PCDHA10: variants seen among roughly 807,000 people sequenced by gnomAD.
PCDHA10 encodes the protein protocadherin alpha 10, also known as protocadherin alpha-10.
PCDHA10 carries 45 observed loss-of-function variants against 61.2 expected under a neutral mutation model. The observed-to-expected ratio is 0.74, with a 90% CI of 0.58 to 0.94. PCDHA10 has a LOEUF of 0.94. PCDHA10 is among the 40% of genes least tolerant of loss of function. PCDHA10 has a pLI of 0.00. For synonymous variants in PCDHA10, 602 were observed against 548.8 expected, an observed-to-expected ratio of 1.10 and a Z score of -1.35; for missense variants, 1,278 against 1,236.2, an observed-to-expected ratio of 1.03 and a Z score of -0.51.
chr5:140,979,870 A>G (rs376036380), intron 2 of PCDHA10, among the ~76,000 whole-genome samples: 2 of 152,388 alleles, frequency 1.3e-5, no homozygotes, highest in South Asian at 2.1e-4. Context: ...TATCTGGGCA[A>G]CTATCAAGTG....
chr5:140,862,432 C>T (rs746687465), intron 1 of PCDHA10: 1 of 355,106 alleles, frequency 2.8e-6, no homozygotes, highest in Non-Finnish European at 5.6e-6. Context: ...AGAAACTATT[C>T]GTTGGTACTC....
At chr5:140,873,801 C>G (rs2054500183) in intron 1 of PCDHA10, among the ~76,000 whole-genome samples, 1 of 152,180 alleles carries the variant, frequency 6.6e-6, no homozygotes, top group Non-Finnish European at 1.5e-5. Flanking sequence ...GCTGGGACTA[C>G]AGGCATGCAC....
At chr5:141,000,120 C>G (rs1554257146) in intron 3 of PCDHA10, among the ~76,000 whole-genome samples, 1 of 152,052 alleles carries the variant, frequency 6.6e-6, no homozygotes, top group African/African-American at 2.4e-5. Flanking sequence ...CCCTCATCCC[C>G]AAGGCTTCAC....
At chr5:140,875,247 A>T in intron 1 of PCDHA10, 1 of 962,254 alleles carries the variant, frequency 1.0e-6, no homozygotes, top group Non-Finnish European at 1.5e-6. Flanking sequence ...TTACATAATC[A>T]GTCACATGAT....
rs528840085 is a variant in PCDHA10 at position 140,876,225 on chromosome 5, GT to G, written c.2388+17790del. 8.8e-5 allele frequency: 142 copies of G among 1,613,982 alleles called. No homozygotes were observed. The African/African-American group carries it at 1.7e-3, about 20-fold the overall frequency. The stretch of plus-strand genomic sequence containing the variant: ...ATAAGCCCAGCTATAAAGTAGTGTT[GT>G]CTGAAAATGTCCAAAACGACACAAG... On this transcript the variant is annotated intron_variant, in intron 1 of 3. Coordinates refer to ENST00000307360, the MANE Select transcript of PCDHA10 (RefSeq NM_018901.4).
intron 1 of PCDHA10, among the ~76,000 whole-genome samples, chr5:140,975,393 C>G (rs2096665585): frequency 6.6e-6 from 1 of 152,256 alleles, no homozygotes. Flanking sequence ...TAAGATCCAT[C>G]ACAATCACAG....
At chr5:140,934,312 A>G (rs2089755727) in intron 1 of PCDHA10, among the ~76,000 whole-genome samples, 1 of 152,108 alleles carries the variant, frequency 6.6e-6, no homozygotes, top group South Asian at 2.1e-4. Context: ...CTTACTGCAA[A>G]TGTCCAATCA....
In PCDHA10 at chr5:140,919,389, T is replaced by C. The variant is rs1042186256; in HGVS notation, c.2389-59560T>C. 3.9e-5 allele frequency among the ~76,000 whole-genome samples: 6 copies of C among 152,360 alleles called. No homozygotes were observed. The East Asian group carries it at 1.2e-3, about 29-fold the overall frequency. ...CTGCAGACAACACATAGTTGGATGTTGTTTTCCTAAAAACTCTAGACTGAC... is the reference window on the plus strand; with the variant it reads ...CTGCAGACAACACATAGTTGGATGTCGTTTTCCTAAAAACTCTAGACTGAC... On this transcript the variant is annotated intron_variant, in intron 1 of 3. Coordinates refer to ENST00000307360, the MANE Select transcript of PCDHA10 (RefSeq NM_018901.4).
chr5:140,870,944 C>A (rs1554164906), intron 1 of PCDHA10: 1 of 1,613,540 alleles, frequency 6.2e-7, no homozygotes, highest in Admixed American at 1.7e-5. Context: ...CAGCCGGCGG[C>A]GGGCGGCTCG....
intron 1 of PCDHA10, among the ~76,000 whole-genome samples, chr5:140,954,400 A>G (rs1349668578): frequency 6.6e-6 from 1 of 152,214 alleles, no homozygotes; most frequent in East Asian, 1.9e-4. Context: ...CAACCCCACC[A>G]ACAGGGTAAA....
chr5:141,009,407 G>T (rs990895210), intron 3 of PCDHA10, among the ~76,000 whole-genome samples: 2 of 152,184 alleles, frequency 1.3e-5, no homozygotes, highest in Admixed American at 6.5e-5. Flanking sequence ...TGCAGTGACT[G>T]CATTTCAGCC....
chr5:140,973,582 T>C lies in PCDHA10; in HGVS notation c.2389-5367T>C, dbSNP rs76146918. Among the ~76,000 whole-genome samples the C allele has an allele frequency of 4.6e-3, 708 of 152,364 alleles. 4 individuals are homozygous for C. The highest frequency in any genetic ancestry group is 0.016 in the African/African-American group (685 of 41,596). On this transcript the variant is annotated intron_variant, in intron 1 of 3. Coordinates refer to ENST00000307360, the MANE Select transcript of PCDHA10 (RefSeq NM_018901.4). ...TTTCCTCAATTTTTCTACAGACTGC[T>C]GAGCCAGATGGAATTATGGCTGAGC...
intron 1 of PCDHA10, chr5:140,926,925 G>C (rs1554203816): frequency 6.4e-7 from 1 of 1,574,118 alleles, no homozygotes; most frequent in South Asian, 1.2e-5. Context: ...TTTTATGTTT[G>C]TGGGTTTCCT....
intron 1 of PCDHA10, among the ~76,000 whole-genome samples, chr5:140,923,489 A>G (rs549066009): frequency 2.2e-4 from 34 of 152,300 alleles, no homozygotes; most frequent in African/African-American, 7.5e-4. Context: ...TCTTCACACC[A>G]CTGCACTCCA....
At chr5:140,880,496 A>G (rs965874952) in intron 1 of PCDHA10, among the ~76,000 whole-genome samples, 4 of 152,206 alleles carry the variant, frequency 2.6e-5, no homozygotes, top group African/African-American at 4.8e-5. Flanking sequence ...AGAGCAATTG[A>G]ATTTCTGTTT....
intron 1 of PCDHA10, among the ~76,000 whole-genome samples, chr5:140,954,085 C>G (rs1477637836): frequency 1.3e-5 from 2 of 152,142 alleles, no homozygotes; most frequent in African/African-American, 4.8e-5. Context: ...GCTTCCAGCT[C>G]CATCCATGTC....
chr5:140,882,562 G>A, intron 1 of PCDHA10: 1 of 1,614,252 alleles, frequency 6.2e-7, no homozygotes, highest in Non-Finnish European at 8.5e-7. Flanking sequence ...TGTGTGGGCG[G>A]AGCGCGGAGT....
At chr5:140,972,334 A>G (rs2153793460) in intron 1 of PCDHA10, among the ~76,000 whole-genome samples, 1 of 151,024 alleles carries the variant, frequency 6.6e-6, no homozygotes, top group Admixed American at 6.6e-5. Flanking sequence ...TTTTTGGAAG[A>G]GATGGGGGTC....
intron 1 of PCDHA10, chr5:140,867,631 G>A (rs1554161429): frequency 1.3e-5 from 2 of 151,978 alleles, no homozygotes; most frequent in African/African-American, 4.8e-5. Flanking sequence ...AAATATTTAA[G>A]CTAGAGTGAT....
Sources: allele counts gnomAD v4.1 joint callset (sites outside exome capture counted in the v4.1 genomes callset), GRCh38; gene constraint gnomAD v4.1.1; transcripts MANE v1.5; gene names NCBI Gene and HGNC (gene_info 2026-07-23, HGNC 2026-07-21).